Variants in ITGA1 observed in about 807,000 individuals in gnomAD.
ITGA1 encodes the protein integrin alpha-1.
ITGA1 carries 85 observed loss-of-function variants against 145.9 expected under a neutral mutation model. The ratio of observed to expected loss-of-function variants is 0.58; its 90% CI spans 0.49 to 0.70. The LOEUF (loss-of-function observed/expected upper bound fraction) is 0.70, where lower values mean the gene tolerates loss of function less well. Ranked by LOEUF, ITGA1 falls within the 30% of genes least tolerant of loss-of-function variation. The probability of loss-of-function intolerance (pLI) is 0.00; values close to 1 mark genes in which losing one functional copy is unlikely to be tolerated. For synonymous variants in ITGA1, 520 were observed against 495.3 expected, an observed-to-expected ratio of 1.05 and a Z score of -0.66; for missense variants, 1,351 against 1,418.7, an observed-to-expected ratio of 0.95 and a Z score of 0.77.
chr5:52,801,799 C>A (rs1748494253), intron 1 of ITGA1: 1 of 1,612,998 alleles, frequency 6.2e-7, no homozygotes, highest in Admixed American at 1.7e-5. Context: ...TGTTCCCGAA[C>A]TTTCTGACCA....
At chr5:52,947,305 G>A in intron 27 of ITGA1, 40 bp from the exon 28 acceptor site, 1 of 1,186,476 alleles carries the variant, frequency 8.4e-7, no homozygotes, top group Non-Finnish European at 1.3e-6. Flanking sequence ...AGTTCTAATA[G>A]GTGTTTATTA....
rs33977926 is a variant in ITGA1, at chr5:52,832,765, C to CTGTGTG, written c.62-16558_62-16553dup. On this transcript the variant is annotated intron_variant, in intron 1 of 28. Transcript: ENST00000282588. ...TTTATTCTGGCAGAAATATATAAAT[C>CTGTGTG]TGTGTGTGTGTGTGTGTGTGTGTGT... Among the ~76,000 whole-genome samples the CTGTGTG allele has an allele frequency of 9.7e-3, 841 of 86,724 alleles. 14 individuals carry two copies. Among genetic ancestry groups the CTGTGTG allele is most frequent in the Middle Eastern group, 0.027 (4 of 150 alleles). 56.9% of individuals were successfully genotyped at this position (86,724 alleles called of 152,430 possible).
chr5:52,884,889 C>T (rs980251056), intron 7 of ITGA1, among the ~76,000 whole-genome samples: 1 of 152,112 alleles, frequency 6.6e-6, no homozygotes, highest in African/African-American at 2.4e-5. Flanking sequence ...TGCAAACCTC[C>T]CACAGATTAA....
At chr5:52,820,191 T>C (rs1314216222) in intron 1 of ITGA1, among the ~76,000 whole-genome samples, 1 of 151,390 alleles carries the variant, frequency 6.6e-6, no homozygotes, top group African/African-American at 2.4e-5. Context: ...TACTATGCAG[T>C]CATAAAAAAT....
At chr5:52,862,024 C>T (rs1200667791) in intron 3 of ITGA1, among the ~76,000 whole-genome samples, 1 of 151,812 alleles carries the variant, frequency 6.6e-6, no homozygotes, top group Non-Finnish European at 1.5e-5. Flanking sequence ...TCGAGACCAG[C>T]CTGACCAACA....
At position 52,927,645 on chromosome 5, in the gene ITGA1, T is replaced by G. The variant is rs754123192; in HGVS notation, c.2675T>G (p.Phe892Cys). The G allele has an allele frequency of 6.2e-7, 1 of 1,607,752 alleles. No homozygotes were observed. Among genetic ancestry groups the G allele is most frequent in the South Asian group, 1.1e-5 (1 of 90,526 alleles). The change falls in exon 20 of 29, where the codon TTC becomes TGC. Residue 892 changes from phenylalanine (F) to cysteine (C), a missense_variant. Phe to Cys is a radical substitution (Grantham distance 205). Transcript: ENST00000282588. ...HNITCKVGYP[F>C]LRRGEMVTFK... ...ATCACATGTAAAGTTGGATATCCCT[T>G]CCTGAGAAGAGGAGAGATGGTGAGC... is the stretch of plus-strand genomic sequence containing the variant.
At chr5:52,819,041 G>A (rs945079765) in intron 1 of ITGA1, among the ~76,000 whole-genome samples, 4 of 152,286 alleles carry the variant, frequency 2.6e-5, no homozygotes, top group African/African-American at 9.6e-5. Context: ...TCAAAGGAGA[G>A]AGTTGTAGAT....
At chr5:52,897,987 A>G (rs1750255809) in intron 10 of ITGA1, among the ~76,000 whole-genome samples, 1 of 152,166 alleles carries the variant, frequency 6.6e-6, no homozygotes, top group African/African-American at 2.4e-5. Flanking sequence ...TGGTCCTTGC[A>G]AAAGAATATT....
intron 14 of ITGA1, among the ~76,000 whole-genome samples, chr5:52,912,905 C>T (rs1388516063): frequency 2.0e-5 from 3 of 151,988 alleles, no homozygotes; most frequent in East Asian, 3.9e-4. Flanking sequence ...CGCCACCACG[C>T]CCGGCTAATT....
At position 52,933,890 on chromosome 5, in the gene ITGA1, T is replaced by C; in HGVS notation, c.2862-4T>C. ...TTTATTTTTCTTCTAATTAATTTTTTAAGCTCTGCAAGTGAATACCACATT... is the reference window on the plus strand; with the variant it reads ...TTTATTTTTCTTCTAATTAATTTTTCAAGCTCTGCAAGTGAATACCACATT... On this transcript the variant is annotated splice_polypyrimidine_tract_variant and splice_region_variant and intron_variant, in intron 22 of 28. Transcript: ENST00000282588. 1 of 1,429,728 alleles carries C rather than the reference T, an allele frequency of 7.0e-7. No homozygotes were observed. Among genetic ancestry groups the C allele is most frequent in the Non-Finnish European group, 9.4e-7 (1 of 1,062,248 alleles). 88.6% of individuals were successfully genotyped at this position (1,429,728 alleles called of 1,614,324 possible).
chr5:52,878,529 T>C (rs565946150), intron 6 of ITGA1, among the ~76,000 whole-genome samples: 21 of 152,346 alleles, frequency 1.4e-4, no homozygotes, highest in Admixed American at 3.9e-4. Flanking sequence ...TTAACACACA[T>C]GTGGCAAAAA....
intron 1 of ITGA1, among the ~76,000 whole-genome samples, chr5:52,848,944 A>G (rs113803896): frequency 0.07 from 10,684 of 152,136 alleles, 618 homozygotes; most frequent in African/African-American, 0.16. Context: ...TCCATGGTGT[A>G]TATGTACTAC....
chr5:52,862,333 GTAATCTA>G (rs1749620716), intron 3 of ITGA1, among the ~76,000 whole-genome samples: 1 of 151,980 alleles, frequency 6.6e-6, no homozygotes, highest in South Asian at 2.1e-4. Flanking sequence ...AGTTCAAGAA[GTAATCTA>G]TAATCATTTT....
At chr5:52,889,615 G>A in intron 8 of ITGA1, 1 of 152,222 alleles carries the variant, frequency 6.6e-6, no homozygotes, top group Non-Finnish European at 1.5e-5. Flanking sequence ...CAGATGGGTA[G>A]GGGGAGCCTC....
At chr5:52,819,713 G>A (rs1353937354) in intron 1 of ITGA1, among the ~76,000 whole-genome samples, 1 of 152,172 alleles carries the variant, frequency 6.6e-6, no homozygotes, top group East Asian at 1.9e-4. Flanking sequence ...TAGACATGAA[G>A]TCCTTGCCCA....
intron 2 of ITGA1, among the ~76,000 whole-genome samples, chr5:52,856,680 CAGAG>C (rs137879951): frequency 0.19 from 27,865 of 148,092 alleles, 2,770 homozygotes; most frequent in East Asian, 0.42. Context: ...GAAAAAGAGA[CAGAG>C]AGAGAGAGAG....
chr5:52,874,175 C>T (rs1438435870), intron 6 of ITGA1, among the ~76,000 whole-genome samples: 1 of 152,042 alleles, frequency 6.6e-6, no homozygotes, highest in Admixed American at 6.6e-5. Flanking sequence ...TGGGTCATAA[C>T]ATGGTGGAGA....
At chr5:52,820,027 C>A (rs1226006420) in intron 1 of ITGA1, among the ~76,000 whole-genome samples, 11 of 148,264 alleles carry the variant, frequency 7.4e-5, no homozygotes. Context: ...GTACCAGTAC[C>A]ATGCTGTTTT....
intron 1 of ITGA1, among the ~76,000 whole-genome samples, chr5:52,810,007 T>C (rs1748660845): frequency 6.7e-6 from 1 of 149,446 alleles, no homozygotes; most frequent in South Asian, 2.1e-4. Flanking sequence ...TGAAAGATTG[T>C]GGAACCTTTG....
Sources: allele counts gnomAD v4.1 joint callset (sites outside exome capture counted in the v4.1 genomes callset), GRCh38; gene constraint gnomAD v4.1.1; transcripts MANE v1.5; gene names NCBI Gene and HGNC (gene_info 2026-07-23, HGNC 2026-07-21).